HS6ST2: variants seen among roughly 807,000 people sequenced by gnomAD.
HS6ST2 encodes the protein heparan sulfate 6-O-sulfotransferase 2.
Under a neutral mutation model 33.0 loss-of-function variants are expected in HS6ST2, and 17 were observed. The observed-to-expected ratio is 0.52, with a 90% CI of 0.35 to 0.77. The LOEUF is 0.77. Ranked by LOEUF, HS6ST2 falls within the 30% of genes least tolerant of loss-of-function variation. The pLI is 0.01. For missense variants in HS6ST2, 519 were observed against 551.7 expected (o/e 0.94, Z 0.59); for synonymous variants, 248 against 237.1 (o/e 1.05, Z -0.42).
intron 2 of HS6ST2, among the ~76,000 whole-genome samples, chrX:132,731,664 G>C (rs942521934): frequency 9.0e-6 from 1 of 111,049 alleles, no homozygotes; most frequent in African/African-American, 3.3e-5. Context: ...TGGCTAACAC[G>C]GTGAAACCCC....
rs2063491484 is a variant in HS6ST2, at chrX:132,628,137, ATG to A, written c.*84_*85del. Reference sequence around the variant, plus strand: ...AAACTTCCCCAATGAAGGAAGCAGGATGTGTTTGGACACTTTCATCTTTTAAG... The same window carrying A: ...AAACTTCCCCAATGAAGGAAGCAGGATGTTTGGACACTTTCATCTTTTAAG... On this transcript the variant is annotated 3_prime_UTR_variant, in exon 5 of 5. Transcript: ENST00000370833. The A allele has an allele frequency of 1.5e-6, 1 of 684,488 alleles. No homozygotes were observed. Among genetic ancestry groups the A allele is most frequent in the Non-Finnish European group, 2.2e-6 (1 of 464,755 alleles). 56.4% of individuals were successfully genotyped at this position (684,488 alleles called of 1,213,427 possible). A position where few individuals can be genotyped will look rare whatever the true frequency, so the allele number is the denominator to read the frequency against.
In HS6ST2 at chrX:132,893,047, A is replaced by G. The variant is rs1173168976; in HGVS notation, c.947+63761T>C. On this transcript the variant is annotated intron_variant, in intron 2 of 4. Transcript: ENST00000370833. ...ATTTGAAATATTTTCTGTCTGTGGT[A>G]GGTTGAATCCATAAATGTGGAACCC... is the stretch of plus-strand genomic sequence containing the variant. Among the ~76,000 whole-genome samples, 4 of 112,248 alleles carry G rather than the reference A, an allele frequency of 3.6e-5. No individual in the cohort carries two copies. In the Admixed American group the frequency reaches 3.8e-4, roughly 11 times the overall value.
At chrX:132,766,529 T>C (rs2064849761) in intron 2 of HS6ST2, among the ~76,000 whole-genome samples, 1 of 111,661 alleles carries the variant, frequency 9.0e-6, no homozygotes, top group South Asian at 3.8e-4. Flanking sequence ...AACAGGCCAG[T>C]TGACCTAGAG....
chrX:132,779,609 T>C (rs2065000249), intron 2 of HS6ST2, among the ~76,000 whole-genome samples: 1 of 111,222 alleles, frequency 9.0e-6, no homozygotes, highest in Non-Finnish European at 1.9e-5. Flanking sequence ...CAGAGGTTAA[T>C]TTGAAGAAGA....
chrX:132,861,713 G>A (rs1455026735), intron 2 of HS6ST2, among the ~76,000 whole-genome samples: 1 of 112,247 alleles, frequency 8.9e-6, no homozygotes, highest in Non-Finnish European at 1.9e-5. Flanking sequence ...ATTCCCTGGT[G>A]TGTGAACTGT....
chrX:132,630,107 C>G (rs2063507061), intron 4 of HS6ST2, among the ~76,000 whole-genome samples: 1 of 112,048 alleles, frequency 8.9e-6, no homozygotes, highest in Admixed American at 9.5e-5. Flanking sequence ...TACAATCAGG[C>G]ATACTTAAGG....
At chrX:132,926,394 G>A (rs1272132419) in intron 2 of HS6ST2, among the ~76,000 whole-genome samples, 1 of 111,496 alleles carries the variant, frequency 9.0e-6, no homozygotes, top group East Asian at 2.8e-4. Context: ...CTGGGCTGAG[G>A]TAAGTAGGGC....
At chrX:132,784,021 G>C (rs2065038826) in intron 2 of HS6ST2, among the ~76,000 whole-genome samples, 2 of 111,583 alleles carry the variant, frequency 1.8e-5, no homozygotes, top group South Asian at 7.6e-4. Context: ...AGGTGCCGAA[G>C]GAATTTGGCA....
intron 2 of HS6ST2, among the ~76,000 whole-genome samples, chrX:132,771,410 G>A (rs893228762): frequency 8.9e-6 from 1 of 111,932 alleles, no homozygotes; most frequent in Non-Finnish European, 1.9e-5. Flanking sequence ...AGCCAAATCT[G>A]TTCATGTAAA....
intron 2 of HS6ST2, among the ~76,000 whole-genome samples, chrX:132,815,427 A>G (rs1038412237): frequency 8.9e-6 from 1 of 111,840 alleles, no homozygotes; most frequent in Admixed American, 9.5e-5. Flanking sequence ...GAGGTTAAGT[A>G]ACTTGCCTGA....
chrX:132,667,097 A>G (rs2063815590), intron 4 of HS6ST2, among the ~76,000 whole-genome samples: 1 of 111,691 alleles, frequency 9.0e-6, no homozygotes, highest in South Asian at 3.8e-4. Context: ...CCATATGCAC[A>G]GAAGGTCAGT....
At chrX:132,721,209 G>A (rs2064324510) in intron 2 of HS6ST2, among the ~76,000 whole-genome samples, 1 of 112,061 alleles carries the variant, frequency 8.9e-6, no homozygotes, top group Non-Finnish European at 1.9e-5. Flanking sequence ...CATTTTAAAA[G>A]CCTGAAATAG....
chrX:132,930,694 A>C (rs1408607467), intron 2 of HS6ST2, among the ~76,000 whole-genome samples: 1 of 111,434 alleles, frequency 9.0e-6, no homozygotes, highest in African/African-American at 3.3e-5. Context: ...AAGACACCCA[A>C]GGGCTTGGCT....
chrX:132,906,877 C>T (rs889266596), intron 2 of HS6ST2, among the ~76,000 whole-genome samples: 6 of 111,451 alleles, frequency 5.4e-5, no homozygotes, highest in African/African-American at 2.0e-4. Context: ...GATGGCCAGG[C>T]TGATCTTGAA....
chrX:132,852,179 T>A (rs2065809648), intron 2 of HS6ST2, among the ~76,000 whole-genome samples: 1 of 111,342 alleles, frequency 9.0e-6, no homozygotes, highest in South Asian at 3.9e-4. Context: ...CTGATATGTA[T>A]CCTTTGCATT....
chrX:132,873,032 G>T (rs765680784), intron 2 of HS6ST2, among the ~76,000 whole-genome samples: 4 of 111,085 alleles, frequency 3.6e-5, no homozygotes, highest in Non-Finnish European at 7.5e-5. Context: ...TCTCAAAACT[G>T]CATTAAGGCC....
intron 2 of HS6ST2, among the ~76,000 whole-genome samples, chrX:132,944,302 A>T (rs368040621): frequency 9.0e-6 from 1 of 111,238 alleles, no homozygotes. Context: ...TTACAAGGGA[A>T]GTGAAGGACC....
intron 2 of HS6ST2, among the ~76,000 whole-genome samples, chrX:132,857,419 G>A (rs1032815012): frequency 5.5e-5 from 6 of 108,819 alleles, no homozygotes; most frequent in Non-Finnish European, 7.6e-5. Context: ...AGGAGGCAGA[G>A]GTTGCAGTGA....
intron 2 of HS6ST2, among the ~76,000 whole-genome samples, chrX:132,831,613 T>G (rs2065590687): frequency 9.0e-6 from 1 of 111,679 alleles, no homozygotes; most frequent in South Asian, 3.8e-4. Flanking sequence ...TCTACTAAAA[T>G]GTACCCGACA....
Sources: gnomAD v4.1 joint callset for allele counts (sites outside exome capture counted in the v4.1 genomes callset) on GRCh38, gnomAD v4.1.1 for gene constraint, MANE v1.5 for transcripts, NCBI Gene and HGNC (gene_info 2026-07-23, HGNC 2026-07-21) for gene names.